Variants in ZNF532 observed in about 807,000 individuals in gnomAD.
ZNF532 encodes zinc finger protein 532.
Under a neutral mutation model 89.3 loss-of-function variants are expected in ZNF532, and 22 were observed. That is an observed-to-expected ratio of 0.25 (90% CI 0.18 to 0.35). The LOEUF is 0.35. Ranked by LOEUF, ZNF532 falls within the 10% of genes least tolerant of loss-of-function variation. The pLI, the probability that ZNF532 is intolerant of heterozygous loss-of-function variation, is 1.00. For synonymous variants in ZNF532, 606 were observed against 649.6 expected, an observed-to-expected ratio of 0.93 and a Z score of 1.02; for missense variants, 1,132 against 1,643.4, an observed-to-expected ratio of 0.69 and a Z score of 5.38.
intron 2 of ZNF532, among the ~76,000 whole-genome samples, chr18:58,909,578 A>T (rs1056853463): frequency 6.6e-6 from 1 of 152,192 alleles, no homozygotes; most frequent in Non-Finnish European, 1.5e-5. Flanking sequence ...AGGAAAAGCC[A>T]GGTGAGCTTG....
chr18:58,975,765 C>G (rs1603340226), intron 7 of ZNF532, among the ~76,000 whole-genome samples: 2 of 152,228 alleles, frequency 1.3e-5, no homozygotes, highest in South Asian at 2.1e-4. Flanking sequence ...CTTTGGAAAC[C>G]CTGCCAGCTT....
chr18:58,939,562 C>T lies in ZNF532; in HGVS notation c.2646C>T (p.Ala882=), dbSNP rs540757777. 7 of 1,614,040 alleles carry T rather than the reference C, an allele frequency of 4.3e-6. No individual in the cohort carries two copies. The East Asian group carries it at 1.6e-4, about 36-fold the overall frequency. Residue 882 remains alanine, a synonymous_variant, in exon 5 of 10, where the codon GCC becomes GCT. Coordinates refer to ENST00000591808, the MANE Select transcript of ZNF532 (RefSeq NM_001375912.1). The part of the protein sequence containing the change: ...CPICPMAFKS[A]PSTHSHAYTQ... The stretch of plus-strand genomic sequence containing the variant: ...TTTGTCCAATGGCGTTTAAGTCTGC[C>T]CCAAGCACACATTCCCACGCCTACA...
chr18:58,904,732 C>T (rs1192183960), intron 2 of ZNF532, among the ~76,000 whole-genome samples: 2 of 152,094 alleles, frequency 1.3e-5, no homozygotes, highest in African/African-American at 4.8e-5. Context: ...AATCATTTAT[C>T]ATCTCCGGCC....
At chr18:58,901,163 T>A (rs1276637364) in intron 2 of ZNF532, among the ~76,000 whole-genome samples, 1 of 152,262 alleles carries the variant, frequency 6.6e-6, no homozygotes, top group African/African-American at 2.4e-5. Flanking sequence ...TGCCCTTGTT[T>A]AATGTCTCTG....
intron 2 of ZNF532, among the ~76,000 whole-genome samples, chr18:58,867,322 A>G (rs932160589): frequency 4.0e-5 from 6 of 151,788 alleles, no homozygotes; most frequent in African/African-American, 1.5e-4. Flanking sequence ...TCCCCCTTGA[A>G]GTCTCCTGAA....
chr18:58,948,030 C>T, intron 5 of ZNF532, 37 bp from the exon 6 acceptor site: 1 of 1,570,316 alleles, frequency 6.4e-7, no homozygotes, highest in East Asian at 2.3e-5. Flanking sequence ...CTTAAAGAGG[C>T]TGACTGACAT....
intron 3 of ZNF532, among the ~76,000 whole-genome samples, chr18:58,933,416 T>G (rs1163407103): frequency 2.6e-5 from 4 of 152,194 alleles, no homozygotes; most frequent in Non-Finnish European, 4.4e-5. Context: ...TTTTTAAAAT[T>G]TCTTAACTGT....
rs142104041 is a variant in ZNF532 at position 58,984,233 on chromosome 18, G to A, written c.3673G>A (p.Val1225Ile). The change falls in exon 10 of 10, where the codon GTA (valine) becomes ATA (isoleucine). Residue 1225 changes from valine to isoleucine, a missense_variant. Physicochemically the swap from Val to Ile is conservative, Grantham distance 29. Transcript: ENST00000591808. ...CTCTCTGTCCAGGCACCTCTTCATC[G>A]TACACAAGTTAAAGGAACCTCAGCC... is the stretch of plus-strand genomic sequence containing the variant. Reference protein sequence around the residue: ...HVSLSRHLFIVHKLKEPQPVS... With the variant: ...HVSLSRHLFIIHKLKEPQPVS... 5.0e-6 allele frequency: 8 copies of A among 1,611,870 alleles called. No individual in the cohort carries two copies. The highest frequency in any genetic ancestry group is 6.8e-6 in the Non-Finnish European group (8 of 1,179,846).
intron 2 of ZNF532, among the ~76,000 whole-genome samples, chr18:58,878,169 C>T (rs868098673): frequency 6.6e-6 from 1 of 152,040 alleles, no homozygotes; most frequent in Admixed American, 6.5e-5. Context: ...TCAGGAGAAT[C>T]ACTTGAACCT....
rs199605272 is a variant in ZNF532, at chr18:58,933,184, TA to T, written c.2347-1248del. Among the ~76,000 whole-genome samples, 10 of 152,300 alleles carry T rather than the reference TA, an allele frequency of 6.6e-5. No homozygotes were observed. The East Asian group carries it at 9.6e-4, about 15-fold the overall frequency. On this transcript the variant is annotated intron_variant, in intron 3 of 9. Coordinates refer to ENST00000591808, the MANE Select transcript of ZNF532 (RefSeq NM_001375912.1). Reference sequence around the variant, plus strand: ...ATATGTGTTATGAGAAAAGGGGTGCTATTTTTTTAATGATGCTAACTTCATT... The same window carrying T: ...ATATGTGTTATGAGAAAAGGGGTGCTTTTTTTTAATGATGCTAACTTCATT...
At chr18:58,975,927 A>G (rs2066996123) in intron 7 of ZNF532, among the ~76,000 whole-genome samples, 1 of 152,244 alleles carries the variant, frequency 6.6e-6, no homozygotes, top group Non-Finnish European at 1.5e-5. Flanking sequence ...AGGAGGAAGC[A>G]AACGGCCTAA....
chr18:58,888,716 TATATATA>T (rs1251269355), intron 2 of ZNF532, among the ~76,000 whole-genome samples: 1 of 51,780 alleles, frequency 1.9e-5, no homozygotes, highest in Admixed American at 3.5e-4. Context: ...TATATATATA[TATATATA>T]TAAATTATAT....
chr18:58,863,634 G>GACAGCAGCAGCAGCC (rs1278895851), upstream of ZNF532: 2 of 81,764 alleles, frequency 2.4e-5, no homozygotes, highest in African/African-American at 9.8e-5. Context: ...CCGCTCCGAC[G>GACAGCAGCAGCAGCC]ACAGCAGCAG....
intron 7 of ZNF532, among the ~76,000 whole-genome samples, chr18:58,961,448 G>A (rs764451478): frequency 3.9e-5 from 6 of 152,156 alleles, no homozygotes; most frequent in Non-Finnish European, 8.8e-5. Context: ...TTGTCTCAAC[G>A]TAGGTGTTAC....
intron 3 of ZNF532, chr18:58,926,065 G>A (rs2061495598): frequency 6.6e-6 from 1 of 152,114 alleles, no homozygotes; most frequent in Non-Finnish European, 1.5e-5. Flanking sequence ...CACTCATCTA[G>A]TTCTTTTGCC....
intron 7 of ZNF532, among the ~76,000 whole-genome samples, chr18:58,963,549 TTGAC>T (rs535097979): frequency 1.2e-3 from 185 of 151,788 alleles, no homozygotes; most frequent in South Asian, 1.7e-3. Flanking sequence ...TAGAATCAGA[TTGAC>T]TGAGGAGCTT....
intron 2 of ZNF532, among the ~76,000 whole-genome samples, chr18:58,895,329 T>C (rs1213220255): frequency 6.6e-6 from 1 of 152,214 alleles, no homozygotes; most frequent in Non-Finnish European, 1.5e-5. Context: ...CAGATGCTGT[T>C]AGGGAAAAGA....
At chr18:58,888,844 T>TA (rs1231642352) in intron 2 of ZNF532, among the ~76,000 whole-genome samples, 32 of 45,048 alleles carry the variant, frequency 7.1e-4, no homozygotes, top group African/African-American at 1.8e-3. Context: ...ATATAATTTA[T>TA]ATATATATAA....
chr18:58,917,187 G>C (rs2060659532), intron 2 of ZNF532, among the ~76,000 whole-genome samples: 1 of 152,142 alleles, frequency 6.6e-6, no homozygotes, highest in Admixed American at 6.5e-5. Context: ...AGAAGGAACA[G>C]ATCCAAGAGA....
Sources: gnomAD v4.1 joint callset for allele counts (sites outside exome capture counted in the v4.1 genomes callset) on GRCh38, gnomAD v4.1.1 for gene constraint, MANE v1.5 for transcripts, NCBI Gene and HGNC (gene_info 2026-07-23, HGNC 2026-07-21) for gene names.